IGF1R: variants seen among roughly 807,000 people sequenced by gnomAD.
IGF1R encodes insulin-like growth factor 1 receptor.
In IGF1R, 44 loss-of-function variants were observed where a neutral mutation model predicts 144.6. That is an observed-to-expected ratio of 0.30 (90% CI 0.24 to 0.39). The LOEUF is 0.39. Among genes scored for constraint, IGF1R ranks in the 10% least tolerant of loss-of-function variants. The pLI, the probability that IGF1R is intolerant of heterozygous loss-of-function variation, is 1.00. For missense variants in IGF1R, 1,355 were observed against 1,833.7 expected, an observed-to-expected ratio of 0.74 and a Z score of 4.77; for synonymous variants, 795 against 722.8, an observed-to-expected ratio of 1.10 and a Z score of -1.60.
At chr15:98,943,909 A>G (rs1293684421) in intron 19 of IGF1R, among the ~76,000 whole-genome samples, 1 of 152,060 alleles carries the variant, frequency 6.6e-6, no homozygotes, top group Non-Finnish European at 1.5e-5. Flanking sequence ...TAAACCTTTC[A>G]CAGTTCAGGG....
intron 5 of IGF1R, among the ~76,000 whole-genome samples, chr15:98,900,244 T>C (rs2014413304): frequency 6.6e-6 from 1 of 152,242 alleles, no homozygotes; most frequent in Non-Finnish European, 1.5e-5. Flanking sequence ...CCGGTGCTTA[T>C]TGCATGCACA....
chr15:98,741,520 T>C (rs965696563), intron 2 of IGF1R, among the ~76,000 whole-genome samples: 3 of 152,160 alleles, frequency 2.0e-5, no homozygotes, highest in African/African-American at 7.2e-5. Flanking sequence ...AGCATCCTCT[T>C]AGCAAAAACA....
In IGF1R at chr15:98,669,255, T is replaced by A. The variant is rs45460994; in HGVS notation, c.94+19580T>A. Among the ~76,000 whole-genome samples, 298 of 151,964 alleles carry A rather than the reference T, an allele frequency of 2.0e-3. 1 individual carries two copies. The highest frequency in any genetic ancestry group is 6.6e-3 in the African/African-American group (275 of 41,458). ...CTGCTCTCTGAAACCTGCGCAAGGGTGTTTAGCATGCACCTTGAAACCTCT... is the reference window on the plus strand; with the variant it reads ...CTGCTCTCTGAAACCTGCGCAAGGGAGTTTAGCATGCACCTTGAAACCTCT... On this transcript the variant is annotated intron_variant, in intron 1 of 20. Coordinates refer to ENST00000650285, the MANE Select transcript of IGF1R (RefSeq NM_000875.5).
chr15:98,692,307 T>C (rs1283505690), intron 1 of IGF1R, among the ~76,000 whole-genome samples: 2 of 152,168 alleles, frequency 1.3e-5, no homozygotes, highest in Non-Finnish European at 2.9e-5. Context: ...CACTGCCCTC[T>C]AGCCTGGGTG....
At chr15:98,702,155 G>A (rs4966013) in intron 1 of IGF1R, among the ~76,000 whole-genome samples, 96,280 of 150,690 alleles carry the variant, frequency 0.64, 30,960 homozygotes, top group South Asian at 0.71. Flanking sequence ...TCAGCCAAAT[G>A]CTTTTCTTTA....
chr15:98,943,028 T>C lies in IGF1R; in HGVS notation c.3563T>C (p.Val1188Ala). The C allele has an allele frequency of 6.2e-7, 1 of 1,614,110 alleles. No homozygotes were observed. The highest frequency in any genetic ancestry group is 8.5e-7 in the Non-Finnish European group (1 of 1,180,006). Residue 1188 changes from valine to alanine, a missense_variant, in exon 19 of 21, where the codon GTC (valine) becomes GCC (alanine). By Grantham distance (64) the Val-to-Ala change is moderately conservative. Transcript: ENST00000650285. ...WMSPESLKDG[V>A]FTTYSDVWSF... ...TCTCCTGAGTCCCTCAAGGATGGAGTCTTCACCACTTACTCGGACGTCTGG... is the reference window on the plus strand; with the variant it reads ...TCTCCTGAGTCCCTCAAGGATGGAGCCTTCACCACTTACTCGGACGTCTGG...
chr15:98,840,652 A>G (rs1294787906), intron 2 of IGF1R, among the ~76,000 whole-genome samples: 1 of 148,880 alleles, frequency 6.7e-6, no homozygotes. Context: ...TTTGTTGTCC[A>G]GGCGGGGTTT....
At chr15:98,666,776 A>G (rs1347928596) in intron 1 of IGF1R, among the ~76,000 whole-genome samples, 3 of 152,306 alleles carry the variant, frequency 2.0e-5, no homozygotes, top group Middle Eastern at 3.4e-3. Context: ...TTTAATGGGT[A>G]CAGAGTTTCA....
chr15:98,711,894 G>A (rs773375509), intron 2 of IGF1R, among the ~76,000 whole-genome samples: 8 of 152,126 alleles, frequency 5.3e-5, no homozygotes, highest in Non-Finnish European at 8.8e-5. Context: ...AACTGTCTGG[G>A]GAGGGCCCAC....
At chr15:98,951,099 TC>T (rs141565228) in intron 20 of IGF1R, among the ~76,000 whole-genome samples, 1,585 of 152,300 alleles carry the variant, frequency 0.01, 10 homozygotes, top group Admixed American at 0.016. Flanking sequence ...AGTGGACACT[TC>T]GTGTGGAATT....
chr15:98,947,837 C>A (rs190728570), intron 19 of IGF1R, among the ~76,000 whole-genome samples: 1 of 152,218 alleles, frequency 6.6e-6, no homozygotes, highest in Non-Finnish European at 1.5e-5. Flanking sequence ...ACACAGAGGC[C>A]CTGCAGGCCA....
At position 98,963,831 on chromosome 15, in the gene IGF1R, A is replaced by G; in HGVS notation, c.*6389A>G. The G allele has an allele frequency of 4.3e-6, 1 of 233,056 alleles. No individual in the cohort carries two copies. The highest frequency in any genetic ancestry group is 6.0e-5 in the East Asian group (1 of 16,566). The allele number at this position is 233,056 out of a possible 1,614,324, so 14.4% of individuals were successfully genotyped here. A position where few individuals can be genotyped will look rare whatever the true frequency, so the allele number is the denominator to read the frequency against. The stretch of plus-strand genomic sequence containing the variant: ...AATAAAAACTATAACATACACAAAA[A>G]TTGGTTTTAAAGTTGACTCCACTTC... On this transcript the variant is annotated 3_prime_UTR_variant, in exon 21 of 21. Transcript: ENST00000650285.
chr15:98,691,745 T>G (rs1271709459), intron 1 of IGF1R, among the ~76,000 whole-genome samples: 1 of 152,168 alleles, frequency 6.6e-6, no homozygotes, highest in African/African-American at 2.4e-5. Flanking sequence ...TTCAGTGATT[T>G]GTCAGCATGA....
rs1018732744 is a variant in IGF1R at position 98,913,376 on chromosome 15, G to A, written c.1828+94G>A. 3.2e-6 allele frequency: 3 copies of A among 948,258 alleles called. No homozygotes were observed. The Admixed American group carries it at 5.1e-5, about 16-fold the overall frequency. 58.7% of individuals were successfully genotyped at this position (948,258 alleles called of 1,614,324 possible). ...GGTGTCATTGTAGGGTTAGCAGTGA[G>A]CTATGCCTGTTGTCTTTCTTGTCAA... On this transcript the variant is annotated intron_variant, in intron 8 of 20. Coordinates refer to ENST00000650285, the MANE Select transcript of IGF1R (RefSeq NM_000875.5).
chr15:98,714,649 GAA>G (rs202232475), intron 2 of IGF1R, among the ~76,000 whole-genome samples: 3 of 133,206 alleles, frequency 2.3e-5, no homozygotes, highest in African/African-American at 8.1e-5. Flanking sequence ...TCCTGTCTGA[GAA>G]AAAAAAAAAA....
At chr15:98,653,434 A>T (rs572488171) in intron 1 of IGF1R, among the ~76,000 whole-genome samples, 25 of 152,350 alleles carry the variant, frequency 1.6e-4, no homozygotes, top group African/African-American at 6.0e-4. Flanking sequence ...AGGACTGAGG[A>T]TGAACAGAAC....
At chr15:98,711,647 G>A (rs907959022) in intron 2 of IGF1R, among the ~76,000 whole-genome samples, 1 of 152,090 alleles carries the variant, frequency 6.6e-6, no homozygotes, top group Non-Finnish European at 1.5e-5. Flanking sequence ...GACATGTGGT[G>A]TGGTTGATTC....
At chr15:98,815,832 CA>C (rs1227286825) in intron 2 of IGF1R, among the ~76,000 whole-genome samples, 2 of 152,154 alleles carry the variant, frequency 1.3e-5, no homozygotes, top group East Asian at 3.8e-4. Flanking sequence ...AGTTGCCTTC[CA>C]AGCCCTTCTT....
chr15:98,909,145 G>T (rs147576411), intron 6 of IGF1R, among the ~76,000 whole-genome samples: 2 of 152,178 alleles, frequency 1.3e-5, no homozygotes, highest in East Asian at 3.9e-4. Flanking sequence ...CTTATAAGTA[G>T]GTTCTCAAAC....
Sources: allele counts gnomAD v4.1 joint callset (sites outside exome capture counted in the v4.1 genomes callset), GRCh38; gene constraint gnomAD v4.1.1; transcripts MANE v1.5; gene names NCBI Gene and HGNC (gene_info 2026-07-23, HGNC 2026-07-21).